Variants in CHRNA7 observed in about 807,000 individuals in gnomAD.
CHRNA7 encodes cholinergic receptor nicotinic alpha 7 subunit.
CHRNA7 carries 17 observed loss-of-function variants against 48.0 expected under a neutral mutation model. The ratio of observed to expected loss-of-function variants is 0.35; its 90% confidence interval spans 0.24 to 0.53. The LOEUF (loss-of-function observed/expected upper bound fraction) is 0.53. CHRNA7 is among the 20% of genes least tolerant of loss of function. The pLI is 0.92. For missense variants in CHRNA7, 155 were observed against 577.7 expected (o/e 0.27, Z 7.50); for synonymous variants, 75 against 242.3 (o/e 0.31, Z 6.41).
chr15:32,114,145 G>C (rs13329600), intron 4 of CHRNA7, among the ~76,000 whole-genome samples: 42,148 of 140,182 alleles, frequency 0.3, 6,575 homozygotes, highest in Middle Eastern at 0.42. Context: ...CACACACACA[G>C]AGAGAGAGAG....
intron 2 of CHRNA7, among the ~76,000 whole-genome samples, chr15:32,063,530 C>T (rs2049914320): frequency 6.6e-6 from 1 of 152,190 alleles, no homozygotes; most frequent in African/African-American, 2.4e-5. Context: ...TTGATGTGTT[C>T]ACCAACCAGG....
intron 4 of CHRNA7, among the ~76,000 whole-genome samples, chr15:32,143,849 T>C (rs1259074259): frequency 1.3e-5 from 2 of 152,208 alleles, no homozygotes; most frequent in East Asian, 3.8e-4. Flanking sequence ...TACAGCACAC[T>C]GATGGGTCTT....
At chr15:32,111,978 A>C in intron 4 of CHRNA7, 79 bp downstream of exon 4, 1 of 913,292 alleles carries the variant, frequency 1.1e-6, no homozygotes, top group Non-Finnish European at 1.8e-6. Flanking sequence ...AATATTTCAC[A>C]GAGATGCTGG....
intron 4 of CHRNA7, chr15:32,112,427 AT>A: frequency 2.2e-6 from 1 of 445,404 alleles, no homozygotes; most frequent in Non-Finnish European, 4.5e-6. Flanking sequence ...TATATACCTG[AT>A]TTCTAATAGT....
intron 4 of CHRNA7, among the ~76,000 whole-genome samples, chr15:32,144,319 C>T (rs1413373923): frequency 2.6e-5 from 4 of 152,124 alleles, no homozygotes; most frequent in South Asian, 2.1e-4. Flanking sequence ...GTGGGTAACC[C>T]GACTTTTCCC....
intron 4 of CHRNA7, among the ~76,000 whole-genome samples, chr15:32,131,396 T>G (rs568595309): frequency 2.5e-4 from 38 of 152,084 alleles, no homozygotes; most frequent in Non-Finnish European, 5.4e-4. Context: ...CCTTTGTTGC[T>G]CCGATTGCAT....
At chr15:32,090,743 TCTTTGATTTATA>T (rs1283214417) in intron 2 of CHRNA7, among the ~76,000 whole-genome samples, 1 of 152,186 alleles carries the variant, frequency 6.6e-6, no homozygotes, top group Non-Finnish European at 1.5e-5. Context: ...TTTGAATTAG[TCTTTGATTTATA>T]CTTATATTTT....
intron 4 of CHRNA7, among the ~76,000 whole-genome samples, chr15:32,140,783 G>A (rs570572262): frequency 6.6e-6 from 1 of 152,096 alleles, no homozygotes; most frequent in East Asian, 1.9e-4. Flanking sequence ...TTTTTTTCTT[G>A]TAAATTTGTT....
rs1397645347 is a variant in CHRNA7, at chr15:32,109,574, G to GGCA, written c.241-2209_241-2207dup. ...TTGGGGCAAGGGAAAACAGCAGATG[G>GGCA]GCAGCAGCATCAGGGAGATTGAGCC... On this transcript the variant is annotated intron_variant, in intron 3 of 9. Transcript: ENST00000306901. Among the ~76,000 whole-genome samples, 4 of 152,290 alleles carry GGCA rather than the reference G, an allele frequency of 2.6e-5. No individual in the cohort carries two copies. The South Asian group carries it at 8.3e-4, about 32-fold the overall frequency.
chr15:32,150,190 C>T (rs1376318316), intron 4 of CHRNA7, among the ~76,000 whole-genome samples: 1 of 152,090 alleles, frequency 6.6e-6, no homozygotes, highest in Non-Finnish European at 1.5e-5. Flanking sequence ...TAGCTGGAAA[C>T]ATAAGCTTAT....
intron 4 of CHRNA7, among the ~76,000 whole-genome samples, chr15:32,126,383 C>T (rs1339238787): frequency 6.6e-6 from 1 of 152,180 alleles, no homozygotes; most frequent in Non-Finnish European, 1.5e-5. Flanking sequence ...TTTAAGTCTA[C>T]ATTGACACAA....
chr15:32,112,335 G>C (rs1443371498), intron 4 of CHRNA7: 1 of 457,812 alleles, frequency 2.2e-6, no homozygotes, highest in Admixed American at 2.3e-5. Context: ...GTTGTGCATT[G>C]GAGAGTTCTG....
At chr15:32,051,836 C>G (rs758299116) in intron 2 of CHRNA7, among the ~76,000 whole-genome samples, 1 of 152,136 alleles carries the variant, frequency 6.6e-6, no homozygotes, top group Non-Finnish European at 1.5e-5. Flanking sequence ...ACCACCATGC[C>G]TGGCTGATTT....
intron 3 of CHRNA7, among the ~76,000 whole-genome samples, chr15:32,108,995 C>T (rs868113203): frequency 3.9e-5 from 6 of 152,016 alleles, no homozygotes; most frequent in Admixed American, 3.3e-4. Context: ...TCTGCCACTA[C>T]GGTTACCTGA....
intron 2 of CHRNA7, among the ~76,000 whole-genome samples, chr15:32,066,442 C>A (rs1343651040): frequency 6.6e-6 from 1 of 152,124 alleles, no homozygotes; most frequent in Non-Finnish European, 1.5e-5. Context: ...CCACCACGCC[C>A]AGCTAATTTT....
At chr15:32,136,660 A>C (rs751063759) in intron 4 of CHRNA7, among the ~76,000 whole-genome samples, 136 of 152,200 alleles carry the variant, frequency 8.9e-4, no homozygotes, top group Non-Finnish European at 4.0e-4. Context: ...AAGTGTGAGA[A>C]TAACCACCAG....
intron 4 of CHRNA7, among the ~76,000 whole-genome samples, chr15:32,124,849 C>T (rs1454328044): frequency 6.6e-6 from 1 of 152,186 alleles, no homozygotes. Context: ...CAAGGGCTTT[C>T]TTCCTGTCTC....
intron 2 of CHRNA7, among the ~76,000 whole-genome samples, chr15:32,046,381 T>C (rs1265053450): frequency 4.0e-5 from 6 of 148,222 alleles, no homozygotes; most frequent in Non-Finnish European, 5.9e-5. Flanking sequence ...TGAGATGGTA[T>C]CTCACTGTGG....
At chr15:32,055,528 C>T (rs2049771867) in intron 2 of CHRNA7, among the ~76,000 whole-genome samples, 1 of 152,280 alleles carries the variant, frequency 6.6e-6, no homozygotes, top group East Asian at 1.9e-4. Context: ...GCTAAACCTG[C>T]TCCCTTCATA....
Sources: allele counts gnomAD v4.1 joint callset (sites outside exome capture counted in the v4.1 genomes callset), GRCh38; gene constraint gnomAD v4.1.1; transcripts MANE v1.5; gene names NCBI Gene and HGNC (gene_info 2026-07-23, HGNC 2026-07-21).